Variants in RGS6 observed in about 807,000 individuals in gnomAD.
RGS6 encodes regulator of G protein signaling 6.
RGS6 carries 30 observed loss-of-function variants against 78.5 expected under a neutral mutation model. The observed-to-expected ratio is 0.38, with a 90% CI of 0.29 to 0.52. RGS6 has a LOEUF of 0.52. Ranked by LOEUF, RGS6 falls within the 20% of genes least tolerant of loss-of-function variation. RGS6 has a pLI of 0.85. For synonymous variants in RGS6, 206 were observed against 206.0 expected (o/e 1.00, Z 0.00); for missense variants, 495 against 609.7 (o/e 0.81, Z 1.98).
At chr14:72,555,906 G>T (rs1473533757) in intron 17 of RGS6, among the ~76,000 whole-genome samples, 4 of 152,200 alleles carry the variant, frequency 2.6e-5, no homozygotes, top group Admixed American at 6.5e-5. Context: ...TGTGTACCTA[G>T]TGGGGGACCA....
At chr14:72,326,843 G>A (rs2073897342) in intron 2 of RGS6, among the ~76,000 whole-genome samples, 1 of 152,176 alleles carries the variant, frequency 6.6e-6, no homozygotes, top group Non-Finnish European at 1.5e-5. Context: ...GAGTCGCTGG[G>A]ACTACAGGCG....
intron 2 of RGS6, among the ~76,000 whole-genome samples, chr14:72,298,992 T>G (rs1162156093): frequency 6.6e-6 from 1 of 152,230 alleles, no homozygotes; most frequent in African/African-American, 2.4e-5. Context: ...TATTTCTTCT[T>G]GGGTAATTTT....
intron 2 of RGS6, among the ~76,000 whole-genome samples, chr14:72,328,698 A>T (rs1435169223): frequency 6.6e-6 from 1 of 152,186 alleles, no homozygotes; most frequent in African/African-American, 2.4e-5. Flanking sequence ...AAACCAACAG[A>T]GTCCTCTGGA....
At chr14:72,112,002 T>C (rs7154520) in intron 2 of RGS6, among the ~76,000 whole-genome samples, 13,107 of 152,240 alleles carry the variant, frequency 0.086, 1,525 homozygotes, top group African/African-American at 0.27. Flanking sequence ...GCAATTTGGC[T>C]CTTTGGTTTA....
intron 10 of RGS6, 67 bp from the exon 11 acceptor site, chr14:72,476,675 A>G (rs994598304): frequency 2.3e-5 from 30 of 1,280,082 alleles, no homozygotes; most frequent in Non-Finnish European, 2.7e-5. Context: ...TCATTGGACT[A>G]GCTGACCCCT....
Position 72,089,208 on chromosome 14 carries a change from G to A in RGS6, c.84+124333G>A, listed in dbSNP as rs1597374069. Among the ~76,000 whole-genome samples, 2 of 152,328 alleles carry A rather than the reference G, an allele frequency of 1.3e-5. 1 individual carries two copies. Among genetic ancestry groups the A allele is most frequent in the East Asian group, 3.9e-4 (2 of 5,188 alleles). On this transcript the variant is annotated intron_variant, in intron 2 of 17. Coordinates refer to ENST00000553525, the MANE Select transcript of RGS6 (RefSeq NM_001204424.2). ...CATGGAAAGCATTCAGGGAATAAAAGCACAATGGAAAATTAAAACATACTC... is the reference window on the plus strand; with the variant it reads ...CATGGAAAGCATTCAGGGAATAAAAACACAATGGAAAATTAAAACATACTC...
the RGS6 span, among the ~76,000 whole-genome samples, chr14:72,613,593 C>T: frequency 2.6e-5 from 4 of 152,178 alleles, no homozygotes; most frequent in African/African-American, 9.7e-5. Flanking sequence ...ACAAAGGGCC[C>T]TGGGGAGTCA....
intron 3 of RGS6, among the ~76,000 whole-genome samples, chr14:72,369,143 A>G (rs751123908): frequency 9.2e-5 from 14 of 152,230 alleles, no homozygotes; most frequent in African/African-American, 2.9e-4. Flanking sequence ...CATGTGGCCC[A>G]TGGGCCATGG....
chr14:72,106,452 A>T (rs2095634532), intron 2 of RGS6, among the ~76,000 whole-genome samples: 1 of 152,212 alleles, frequency 6.6e-6, no homozygotes, highest in African/African-American at 2.4e-5. Flanking sequence ...CCAGTGGCTT[A>T]GCATGAACTA....
intron 1 of RGS6, among the ~76,000 whole-genome samples, chr14:71,947,620 G>A (rs1008219814): frequency 3.0e-4 from 46 of 152,154 alleles, no homozygotes; most frequent in Non-Finnish European, 6.2e-4. Flanking sequence ...AAGTAGCTGG[G>A]ACTACAGGCG....
rs1182696264 is a variant in RGS6, at chr14:72,306,092, T to C, written c.85-46003T>C. Among the ~76,000 whole-genome samples the C allele has an allele frequency of 4.6e-5, 7 of 152,324 alleles. No homozygotes were observed. In the East Asian group the frequency reaches 1.3e-3, roughly 29 times the overall value. ...GTGCAGCTGGTGAAGCCAATGCTCA[T>C]TTACCATTCCAAAAATCATACAGCC... On this transcript the variant is annotated intron_variant, in intron 2 of 17. Coordinates refer to ENST00000553525, the MANE Select transcript of RGS6 (RefSeq NM_001204424.2).
rs371603470 is a variant in RGS6, at chr14:72,517,871, A to C, written c.1092-480A>C. ...GTCTGCATGGTGGCATGTATGTAGC[A>C]CTGGGGTTCTCAACCAGGAATGAGT... On this transcript the variant is annotated intron_variant, in intron 14 of 17. Coordinates refer to ENST00000553525, the MANE Select transcript of RGS6 (RefSeq NM_001204424.2). Among the ~76,000 whole-genome samples, 69 of 152,308 alleles carry C rather than the reference A, an allele frequency of 4.5e-4. 3 individuals carry two copies. The South Asian group carries it at 0.014, about 32-fold the overall frequency.
At chr14:72,100,509 A>T (rs1406052655) in intron 2 of RGS6, among the ~76,000 whole-genome samples, 2 of 152,116 alleles carry the variant, frequency 1.3e-5, no homozygotes, top group South Asian at 2.1e-4. Context: ...AACCAAAAAA[A>T]GGTAGAAAGA....
chr14:72,120,998 C>T (rs1435526286), intron 2 of RGS6, among the ~76,000 whole-genome samples: 1 of 152,128 alleles, frequency 6.6e-6, no homozygotes, highest in African/African-American at 2.4e-5. Context: ...GGGAGATTTG[C>T]TCAGTTCCCA....
chr14:72,217,366 A>G (rs906185956), intron 2 of RGS6, among the ~76,000 whole-genome samples: 1 of 152,214 alleles, frequency 6.6e-6, no homozygotes, highest in African/African-American at 2.4e-5. Context: ...CTGGATATTA[A>G]GATGATGTCA....
intron 2 of RGS6, among the ~76,000 whole-genome samples, chr14:72,218,912 CT>C (rs1944738196): frequency 6.6e-6 from 1 of 151,954 alleles, no homozygotes; most frequent in African/African-American, 2.4e-5. Context: ...TCCCAGTCAG[CT>C]TATTTATTAC....
the RGS6 span, among the ~76,000 whole-genome samples, chr14:72,615,759 G>A: frequency 6.6e-6 from 1 of 152,380 alleles, no homozygotes; most frequent in Non-Finnish European, 1.5e-5. Context: ...TCAGTGAGGG[G>A]TTCCAAAGGA....
chr14:71,933,138 A>G (rs1157960706), intron 1 of RGS6, 197 bp downstream of exon 1: 3 of 152,532 alleles, frequency 2.0e-5, no homozygotes, highest in South Asian at 2.1e-4. Context: ...ACGAGCTTAC[A>G]TAAGTGGTTA....
At chr14:72,277,741 G>A (rs941831251) in intron 2 of RGS6, among the ~76,000 whole-genome samples, 1 of 151,972 alleles carries the variant, frequency 6.6e-6, no homozygotes, top group East Asian at 1.9e-4. Flanking sequence ...CAGCCTGGTC[G>A]ACATGGTGAA....
Sources: gnomAD v4.1 joint callset for allele counts (sites outside exome capture counted in the v4.1 genomes callset) on GRCh38, gnomAD v4.1.1 for gene constraint, MANE v1.5 for transcripts, NCBI Gene and HGNC (gene_info 2026-07-23, HGNC 2026-07-21) for gene names.